Variants in KCNH8 observed in about 807,000 individuals in gnomAD.
The protein encoded by KCNH8 is voltage-gated delayed rectifier potassium channel KCNH8.
In KCNH8, 70 loss-of-function variants were observed where a neutral mutation model predicts 103.6. The observed-to-expected ratio is 0.68, with a 90% CI of 0.56 to 0.82. The LOEUF is 0.82. Among genes scored for constraint, KCNH8 ranks in the 40% least tolerant of loss-of-function variants. KCNH8 has a pLI of 0.00. For synonymous variants in KCNH8, 498 were observed against 489.4 expected (o/e 1.02, Z -0.23); for missense variants, 1,217 against 1,329.9 (o/e 0.92, Z 1.32).
intron 11 of KCNH8, among the ~76,000 whole-genome samples, chr3:19,499,652 G>T (rs1391521515): frequency 6.6e-6 from 1 of 152,078 alleles, no homozygotes; most frequent in Non-Finnish European, 1.5e-5. Context: ...TTAAGGAAAA[G>T]AATTTTCAAC....
At chr3:19,331,280 T>TATTC (rs1160878860) in intron 3 of KCNH8, among the ~76,000 whole-genome samples, 41 of 147,948 alleles carry the variant, frequency 2.8e-4, no homozygotes, top group African/African-American at 9.9e-4. Context: ...TTTATTTATT[T>TATTC]ATTTATTGTT....
chr3:19,181,470 T>C (rs1172127097), intron 1 of KCNH8, among the ~76,000 whole-genome samples: 1 of 152,098 alleles, frequency 6.6e-6, no homozygotes, highest in African/African-American at 2.4e-5. Context: ...GATATGTAAA[T>C]ATCTGTCAAG....
chr3:19,202,144 A>G (rs1337096006), intron 1 of KCNH8, among the ~76,000 whole-genome samples: 1 of 152,082 alleles, frequency 6.6e-6, no homozygotes, highest in Non-Finnish European at 1.5e-5. Context: ...GTGGAAAGGG[A>G]CTTCATGAGG....
intron 5 of KCNH8, among the ~76,000 whole-genome samples, chr3:19,367,159 T>C (rs2066023269): frequency 6.6e-6 from 1 of 151,906 alleles, no homozygotes; most frequent in African/African-American, 2.4e-5. Context: ...CTTTGCACTT[T>C]CTACTCCCAG....
intron 5 of KCNH8, among the ~76,000 whole-genome samples, chr3:19,363,051 A>G (rs1171850541): frequency 6.6e-6 from 1 of 152,124 alleles, no homozygotes; most frequent in Non-Finnish European, 1.5e-5. Context: ...ACACCAGAAC[A>G]TTGCACAACT....
intron 3 of KCNH8, among the ~76,000 whole-genome samples, chr3:19,320,473 G>A (rs913749923): frequency 4.6e-5 from 7 of 151,572 alleles, no homozygotes; most frequent in African/African-American, 1.7e-4. Context: ...ATTTACCTAT[G>A]TATCCTTAAT....
chr3:19,527,157 T>C (rs139827493), intron 15 of KCNH8, among the ~76,000 whole-genome samples: 5 of 152,118 alleles, frequency 3.3e-5, no homozygotes, highest in African/African-American at 9.6e-5. Flanking sequence ...ATGGCATCAA[T>C]TATTGCTGTT....
At chr3:19,267,066 G>T (rs17005811) in intron 2 of KCNH8, among the ~76,000 whole-genome samples, 7,656 of 152,098 alleles carry the variant, frequency 0.05, 638 homozygotes, top group African/African-American at 0.17. Flanking sequence ...CTGAAGGATT[G>T]TTCATTGACA....
At chr3:19,489,957 G>A (rs1046988560) in intron 11 of KCNH8, among the ~76,000 whole-genome samples, 2 of 152,182 alleles carry the variant, frequency 1.3e-5, no homozygotes, top group Non-Finnish European at 2.9e-5. Flanking sequence ...CCAAAGACCA[G>A]TCTTACCAAG....
chr3:19,512,848 T>C (rs2068805116), intron 12 of KCNH8, 122 bp from the exon 13 acceptor site: 4 of 871,966 alleles, frequency 4.6e-6, no homozygotes, highest in Non-Finnish European at 5.4e-6. Flanking sequence ...AAGACTTCAG[T>C]TTTAATGAAA....
At chr3:19,201,254 A>AGAAAAAG (rs2063658042) in intron 1 of KCNH8, among the ~76,000 whole-genome samples, 2 of 143,422 alleles carry the variant, frequency 1.4e-5, no homozygotes, top group African/African-American at 2.5e-5. Context: ...AAAAAAAAAA[A>AGAAAAAG]AAAAAAAAGA....
chr3:19,175,313 C>T (rs1358955581), intron 1 of KCNH8, among the ~76,000 whole-genome samples: 1 of 151,690 alleles, frequency 6.6e-6, no homozygotes, highest in African/African-American at 2.4e-5. Context: ...GCTCCGCCTC[C>T]CGGGTTCACG....
At chr3:19,435,906 A>G (rs1559326942) in intron 7 of KCNH8, among the ~76,000 whole-genome samples, 1 of 152,228 alleles carries the variant, frequency 6.6e-6, no homozygotes, top group East Asian at 1.9e-4. Flanking sequence ...ACACCTGTAC[A>G]CATTGTTAAT....
chr3:19,509,028 T>C (rs1167690316), intron 11 of KCNH8, among the ~76,000 whole-genome samples: 21 of 152,252 alleles, frequency 1.4e-4, no homozygotes, highest in Non-Finnish European at 2.9e-4. Context: ...CAAACATGTT[T>C]TCATGTCTAC....
intron 2 of KCNH8, among the ~76,000 whole-genome samples, chr3:19,265,721 G>C (rs1288534700): frequency 6.6e-6 from 1 of 151,992 alleles, no homozygotes; most frequent in Non-Finnish European, 1.5e-5. Flanking sequence ...GAGGATCTAT[G>C]TCTCTTGAGT....
At chr3:19,337,664 G>T (rs968025701) in intron 3 of KCNH8, among the ~76,000 whole-genome samples, 2 of 151,772 alleles carry the variant, frequency 1.3e-5, no homozygotes, top group African/African-American at 4.8e-5. Flanking sequence ...ATCTCTGTAC[G>T]TATTTCAAAT....
intron 11 of KCNH8, among the ~76,000 whole-genome samples, chr3:19,490,345 G>C (rs967275931): frequency 6.6e-6 from 1 of 152,202 alleles, no homozygotes; most frequent in Non-Finnish European, 1.5e-5. Flanking sequence ...CGAGCTCCCC[G>C]AGTGAGCAAT....
At chr3:19,415,852 A>G (rs889877311) in intron 7 of KCNH8, among the ~76,000 whole-genome samples, 12 of 151,998 alleles carry the variant, frequency 7.9e-5, no homozygotes, top group Non-Finnish European at 1.5e-4. Context: ...TTCATTAGCA[A>G]TTGTTACCAG....
chr3:19,151,591 CT>C (rs1260894978), intron 1 of KCNH8, among the ~76,000 whole-genome samples: 1 of 151,906 alleles, frequency 6.6e-6, no homozygotes, highest in Non-Finnish European at 1.5e-5. Context: ...TCTGAAAATC[CT>C]CCCAGGAAAA....
Sources: gnomAD v4.1 joint callset for allele counts (sites outside exome capture counted in the v4.1 genomes callset) on GRCh38, gnomAD v4.1.1 for gene constraint, MANE v1.5 for transcripts, NCBI Gene and HGNC (gene_info 2026-07-23, HGNC 2026-07-21) for gene names.